The following SMAP1 variants were observed in gnomAD, a reference collection of about 807,000 sequenced individuals.
SMAP1 encodes stromal membrane-associated protein 1.
SMAP1 carries 24 observed loss-of-function variants against 58.5 expected under a neutral mutation model. The ratio of observed to expected loss-of-function variants is 0.41; its 90% CI spans 0.30 to 0.58. SMAP1 has a LOEUF of 0.58. Among genes scored for constraint, SMAP1 ranks in the 20% least tolerant of loss-of-function variants. The pLI, the probability that SMAP1 is intolerant of heterozygous loss-of-function variation, is 0.29. For missense variants in SMAP1, 563 were observed against 566.3 expected (o/e 0.99, Z 0.06); for synonymous variants, 216 against 196.6 (o/e 1.10, Z -0.82).
intron 2 of SMAP1, among the ~76,000 whole-genome samples, chr6:70,747,148 C>G (rs1040854910): frequency 5.9e-5 from 9 of 152,116 alleles, no homozygotes; most frequent in Admixed American, 2.6e-4. Flanking sequence ...GCTTCTGGCT[C>G]TATTAACTAA....
chr6:70,668,474 C>T (rs984799080), intron 1 of SMAP1: 10 of 1,426,814 alleles, frequency 7.0e-6, no homozygotes, highest in African/African-American at 1.4e-5. Flanking sequence ...GAACCGGGCA[C>T]GGGTCTGGGC....
At chr6:70,820,032 C>T (rs928361974) in intron 6 of SMAP1, among the ~76,000 whole-genome samples, 6 of 152,122 alleles carry the variant, frequency 3.9e-5, no homozygotes, top group Non-Finnish European at 8.8e-5. Context: ...ATACTTACCT[C>T]GGTTCTGAGC....
intron 4 of SMAP1, among the ~76,000 whole-genome samples, chr6:70,783,711 GA>G (rs1767870964): frequency 6.6e-6 from 1 of 152,190 alleles, no homozygotes; most frequent in African/African-American, 2.4e-5. Flanking sequence ...AGTGATGGAA[GA>G]CGAAATGAAT....
At chr6:70,744,532 A>G (rs1185358340) in intron 2 of SMAP1, among the ~76,000 whole-genome samples, 2 of 152,182 alleles carry the variant, frequency 1.3e-5, no homozygotes, top group Non-Finnish European at 2.9e-5. Flanking sequence ...ATAGTATTCC[A>G]TGGTGTACAT....
chr6:70,857,752 A>G (rs1771493600), intron 9 of SMAP1, 170 bp from the exon 10 acceptor site: 2 of 626,156 alleles, frequency 3.2e-6, no homozygotes, highest in South Asian at 2.0e-5. Flanking sequence ...CCTAGAAACA[A>G]CCAGCTCTCA....
chr6:70,748,257 T>C (rs1464069719), intron 2 of SMAP1, among the ~76,000 whole-genome samples: 2 of 152,214 alleles, frequency 1.3e-5, no homozygotes, highest in Non-Finnish European at 2.9e-5. Flanking sequence ...TTCATTTTTC[T>C]TTATAAAAGT....
chr6:70,759,152 G>A (rs1766642680), intron 3 of SMAP1, among the ~76,000 whole-genome samples: 1 of 152,108 alleles, frequency 6.6e-6, no homozygotes, highest in Non-Finnish European at 1.5e-5. Flanking sequence ...GAAAAGGAAA[G>A]CCTGTGGCTG....
At chr6:70,741,144 T>G (rs543236466) in intron 2 of SMAP1, among the ~76,000 whole-genome samples, 3 of 152,236 alleles carry the variant, frequency 2.0e-5, no homozygotes, top group Admixed American at 2.0e-4. Flanking sequence ...GCCCTTACCT[T>G]GCAAAACCAA....
intron 4 of SMAP1, among the ~76,000 whole-genome samples, chr6:70,781,855 G>A (rs1287698720): frequency 6.6e-6 from 1 of 152,082 alleles, no homozygotes; most frequent in East Asian, 1.9e-4. Flanking sequence ...TTTTGCATGA[G>A]GTAAGTTTAT....
At chr6:70,860,136 C>CATTTTTTCAT in intron 10 of SMAP1, 64 bp from the exon 11 acceptor site, 1 of 1,499,760 alleles carries the variant, frequency 6.7e-7, no homozygotes, top group Middle Eastern at 1.8e-4. Context: ...AACTGTGTGG[C>CATTTTTTCAT]TAAAGAAACA....
intron 6 of SMAP1, among the ~76,000 whole-genome samples, chr6:70,804,851 T>A (rs778967364): frequency 1.3e-5 from 2 of 152,220 alleles, no homozygotes; most frequent in Non-Finnish European, 2.9e-5. Flanking sequence ...CTATAGTGTT[T>A]CTGCTGAGAG....
intron 3 of SMAP1, among the ~76,000 whole-genome samples, chr6:70,760,598 G>A (rs933881298): frequency 4.6e-5 from 7 of 151,890 alleles, no homozygotes; most frequent in African/African-American, 1.2e-4. Context: ...AAGAAAACCG[G>A]CTTGCCTTTC....
intron 7 of SMAP1, among the ~76,000 whole-genome samples, chr6:70,851,613 G>GAGAT (rs1771187278): frequency 6.6e-6 from 1 of 152,172 alleles, no homozygotes; most frequent in Admixed American, 6.5e-5. Context: ...TGAACCTTGT[G>GAGAT]AGATGTTCCA....
chr6:70,682,128 T>C (rs1766735140), intron 1 of SMAP1, among the ~76,000 whole-genome samples: 1 of 150,454 alleles, frequency 6.6e-6, no homozygotes, highest in South Asian at 2.1e-4. Context: ...AAAATAAGGA[T>C]AGTGGGACAT....
At chr6:70,801,618 G>T (rs1486121274) in intron 6 of SMAP1, among the ~76,000 whole-genome samples, 1 of 152,074 alleles carries the variant, frequency 6.6e-6, no homozygotes, top group Non-Finnish European at 1.5e-5. Flanking sequence ...GTATTGCCTA[G>T]GTTTTCTTCT....
At chr6:70,854,149 T>G (rs1015019116) in intron 8 of SMAP1, among the ~76,000 whole-genome samples, 1 of 152,220 alleles carries the variant, frequency 6.6e-6, no homozygotes, top group East Asian at 1.9e-4. Context: ...CTTCAGACTT[T>G]AGGCATTCTG....
chr6:70,755,086 G>T (rs1309097250), intron 3 of SMAP1, 21 bp downstream of exon 3: 1 of 1,557,336 alleles, frequency 6.4e-7, no homozygotes, highest in African/African-American at 1.4e-5. Context: ...AAACTTATTT[G>T]TTTTGAGTTT....
intron 6 of SMAP1, among the ~76,000 whole-genome samples, chr6:70,824,633 A>G (rs536198768): frequency 2.6e-5 from 4 of 152,310 alleles, no homozygotes; most frequent in Non-Finnish European, 5.9e-5. Context: ...TATGGAATCA[A>G]TGAAATGATA....
chr6:70,682,134 G>A (rs79317839), intron 1 of SMAP1, among the ~76,000 whole-genome samples: 4,421 of 149,810 alleles, frequency 0.03, 138 homozygotes, highest in South Asian at 0.11. Context: ...AGGATAGTGG[G>A]ACATCATAGG....
Sources: gnomAD v4.1 joint callset for allele counts (sites outside exome capture counted in the v4.1 genomes callset) on GRCh38, gnomAD v4.1.1 for gene constraint, MANE v1.5 for transcripts, NCBI Gene and HGNC (gene_info 2026-07-23, HGNC 2026-07-21) for gene names.